BABAM2: variants seen among roughly 807,000 people sequenced by gnomAD.
BABAM2 encodes BRISC and BRCA1 A complex member 2.
In BABAM2, 31 loss-of-function variants were observed where a neutral mutation model predicts 54.7. The ratio of observed to expected loss-of-function variants is 0.57; its 90% CI spans 0.43 to 0.77. The LOEUF is 0.77. Ranked by LOEUF, BABAM2 falls within the 30% of genes least tolerant of loss-of-function variation. The pLI is 0.00. For missense variants in BABAM2, 364 were observed against 455.8 expected (o/e 0.80, Z 1.83); for synonymous variants, 167 against 162.9 (o/e 1.03, Z -0.19).
At chr2:28,123,549 C>T (rs1250905742) in intron 6 of BABAM2, among the ~76,000 whole-genome samples, 1 of 152,192 alleles carries the variant, frequency 6.6e-6, no homozygotes. Context: ...TTACAGTAAT[C>T]ATCTGTAATG....
intron 11 of BABAM2, chr2:28,308,732 T>C (rs1688784571): frequency 4.7e-6 from 1 of 213,460 alleles, no homozygotes; most frequent in African/African-American, 2.3e-5. Flanking sequence ...TGAGGCTCTC[T>C]TCTCATACAG....
chr2:28,306,369 T>G (rs1688520062), intron 11 of BABAM2, among the ~76,000 whole-genome samples: 1 of 152,190 alleles, frequency 6.6e-6, no homozygotes, highest in African/African-American at 2.4e-5. Context: ...TCTCCCCTTC[T>G]GCTAATTTTT....
intron 6 of BABAM2, among the ~76,000 whole-genome samples, chr2:28,065,270 C>A (rs375109723): frequency 6.6e-6 from 1 of 152,146 alleles, no homozygotes; most frequent in Non-Finnish European, 1.5e-5. Context: ...TTTAATGCCA[C>A]GTATTAAACA....
At chr2:28,118,419 G>T (rs1261852452) in intron 6 of BABAM2, among the ~76,000 whole-genome samples, 1 of 152,160 alleles carries the variant, frequency 6.6e-6, no homozygotes, top group Non-Finnish European at 1.5e-5. Flanking sequence ...ATTCTGACTG[G>T]CATGAGATGG....
chr2:28,311,185 C>T (rs572665704), intron 11 of BABAM2, among the ~76,000 whole-genome samples: 2 of 143,636 alleles, frequency 1.4e-5, no homozygotes, highest in Admixed American at 7.1e-5. Context: ...GGCGTGAACC[C>T]GGGAGGCGGA....
chr2:28,129,574 A>C (rs547945231), intron 7 of BABAM2, among the ~76,000 whole-genome samples, 194 bp downstream of exon 7: 6 of 152,198 alleles, frequency 3.9e-5, no homozygotes, highest in African/African-American at 1.4e-4. Context: ...CCCTTTTGGC[A>C]AGTGTTATTG....
At chr2:28,306,890 G>A (rs1042483725) in intron 11 of BABAM2, among the ~76,000 whole-genome samples, 1 of 149,208 alleles carries the variant, frequency 6.7e-6, no homozygotes, top group Non-Finnish European at 1.5e-5. Flanking sequence ...TAGAGACGGG[G>A]TTTCACCATG....
At chr2:28,259,989 T>C (rs7582288) in intron 10 of BABAM2, among the ~76,000 whole-genome samples, 148,980 of 152,010 alleles carry the variant, frequency 0.98, 73,085 homozygotes, top group East Asian at 1. Flanking sequence ...CAACCTCTTC[T>C]TCCCGTATTC....
At position 28,056,830 on chromosome 2, in the gene BABAM2, CTTA is replaced by C. The variant is rs761654327; in HGVS notation, c.570+11037_570+11039del. On this transcript the variant is annotated intron_variant, in intron 6 of 11. Coordinates refer to ENST00000379624, the MANE Select transcript of BABAM2 (RefSeq NM_199191.3). ...GCATACTGTATTATTTATTGTGTCA[CTTA>C]TTATTGGGAATATAGCATCTTAAAT... is the stretch of plus-strand genomic sequence containing the variant. Among the ~76,000 whole-genome samples, 68 of 152,168 alleles carry C rather than the reference CTTA, an allele frequency of 4.5e-4. 1 individual carries two copies. Among genetic ancestry groups the C allele is most frequent in the Non-Finnish European group, 7.2e-4 (49 of 68,036 alleles).
At chr2:28,103,483 A>AT (rs1667256641) in intron 6 of BABAM2, among the ~76,000 whole-genome samples, 1 of 151,876 alleles carries the variant, frequency 6.6e-6, no homozygotes, top group African/African-American at 2.4e-5. Context: ...TAATTTTTGT[A>AT]TTTTTTGTGG....
chr2:28,122,548 C>T (rs1669168655), intron 6 of BABAM2, among the ~76,000 whole-genome samples: 1 of 152,128 alleles, frequency 6.6e-6, no homozygotes, highest in African/African-American at 2.4e-5. Flanking sequence ...TTGAGAAATA[C>T]AATGGCTTTT....
chr2:28,195,341 T>C (rs1677401290), intron 7 of BABAM2, among the ~76,000 whole-genome samples: 1 of 152,240 alleles, frequency 6.6e-6, no homozygotes, highest in African/African-American at 2.4e-5. Context: ...ACTATACTTT[T>C]CAAATGTCTT....
chr2:28,201,471 A>T (rs1678263916), intron 7 of BABAM2, among the ~76,000 whole-genome samples: 2 of 152,152 alleles, frequency 1.3e-5, no homozygotes, highest in African/African-American at 4.8e-5. Flanking sequence ...TGAGGAAGTC[A>T]GTGCACAGTC....
intron 10 of BABAM2, among the ~76,000 whole-genome samples, chr2:28,290,982 G>GA (rs1252000549): frequency 1.3e-5 from 2 of 152,056 alleles, no homozygotes; most frequent in Non-Finnish European, 2.9e-5. Flanking sequence ...TTAGATGGAA[G>GA]AAAAAAACCA....
chr2:28,327,702 G>C (rs779527214), intron 11 of BABAM2, among the ~76,000 whole-genome samples: 1 of 152,148 alleles, frequency 6.6e-6, no homozygotes, highest in Non-Finnish European at 1.5e-5. Flanking sequence ...TTGGAGGCCC[G>C]GCATGCTGTG....
chr2:28,213,364 A>AGTTTGCATAAGAAATAGAGGC (rs1339293541), intron 7 of BABAM2, among the ~76,000 whole-genome samples: 1 of 152,214 alleles, frequency 6.6e-6, no homozygotes, highest in African/African-American at 2.4e-5. Context: ...CTACAGCGGT[A>AGTTTGCATAAGAAATAGAGGC]GTTTGCATAA....
Position 27,958,768 on chromosome 2 carries a change from G to A in BABAM2, c.205+28860G>A, listed in dbSNP as rs547612384. 3.9e-5 allele frequency among the ~76,000 whole-genome samples: 6 copies of A among 152,134 alleles called. No homozygotes were observed. The East Asian group carries it at 1.2e-3, about 29-fold the overall frequency. ...AAGACAGACAGAGGCTTGGCATTTTGTCATTAAGTGTGAGTGGTCTGCCTT... is the reference window on the plus strand; with the variant it reads ...AAGACAGACAGAGGCTTGGCATTTTATCATTAAGTGTGAGTGGTCTGCCTT... On this transcript the variant is annotated intron_variant, in intron 3 of 11. Coordinates refer to ENST00000379624, the MANE Select transcript of BABAM2 (RefSeq NM_199191.3).
At chr2:28,294,252 C>T (rs1031415236) in intron 10 of BABAM2, among the ~76,000 whole-genome samples, 9 of 151,846 alleles carry the variant, frequency 5.9e-5, no homozygotes, top group African/African-American at 1.5e-4. Context: ...TGACGGCAGG[C>T]GTCTGTAATC....
At chr2:28,192,378 T>C (rs574377783) in intron 7 of BABAM2, among the ~76,000 whole-genome samples, 5 of 151,882 alleles carry the variant, frequency 3.3e-5, no homozygotes, top group Non-Finnish European at 5.9e-5. Flanking sequence ...CACACCAACA[T>C]GGCACATTTA....
Sources: gnomAD v4.1 joint callset for allele counts (sites outside exome capture counted in the v4.1 genomes callset) on GRCh38, gnomAD v4.1.1 for gene constraint, MANE v1.5 for transcripts, NCBI Gene and HGNC (gene_info 2026-07-23, HGNC 2026-07-21) for gene names.